Variants in DQX1 observed in about 807,000 individuals in gnomAD.
DQX1 encodes the protein DEAQ-box RNA dependent ATPase 1, also known as ATP-dependent RNA helicase homolog DQX1.
In DQX1, 66 loss-of-function variants were observed where a neutral mutation model predicts 81.3. That is an observed-to-expected ratio of 0.81 (90% CI 0.67 to 1.00). The LOEUF is 1.00. Among genes scored for constraint, DQX1 ranks in the 50% least tolerant of loss-of-function variants. DQX1 has a pLI of 0.00. For missense variants in DQX1, 798 were observed against 867.9 expected, an observed-to-expected ratio of 0.92 and a Z score of 1.01; for synonymous variants, 290 against 350.0, an observed-to-expected ratio of 0.83 and a Z score of 1.91.
chr2:74,523,667 G>T (rs1675098961), intron 4 of DQX1, 130 bp from the exon 5 acceptor site: 3 of 1,015,640 alleles, frequency 3.0e-6, no homozygotes, highest in Non-Finnish European at 4.2e-6. Context: ...AAAGTTGAAG[G>T]TTTTATAATT....
At position 74,519,732 on chromosome 2, in the gene DQX1, C is replaced by G. The variant is rs772100580; in HGVS notation, c.1630G>C (p.Ala544Pro). 1.9e-6 allele frequency: 3 copies of G among 1,614,196 alleles called. No homozygotes were observed. The highest frequency in any genetic ancestry group is 1.7e-6 in the Non-Finnish European group (2 of 1,180,040). ...EAFIQSGADE[A>P]WCQARGLNWA... ...TTCAGACCTCGAGCCTGGCACCAAG[C>G]CTCATCTGCTCCACCTAGGAGAGGA... Residue 544 changes from alanine to proline, a missense_variant, in exon 10 of 12, where the codon GCT becomes CCT. Transcript: ENST00000404568.
rs1393945518 is a variant in DQX1 at position 74,519,223 on chromosome 2, C to T, written c.1814G>A (p.Arg605Lys). 1 of 1,557,104 alleles carries T rather than the reference C, an allele frequency of 6.4e-7. No individual in the cohort carries two copies. The highest frequency in any genetic ancestry group is 1.4e-5 in the African/African-American group (1 of 72,486). The part of the protein sequence containing the change: ...LVSGYFLKVA[R>K]DTDGTGNYLL... Reference sequence around the variant, plus strand: ...GTAATTTCCAGTCCCGTCTGTGTCTCTGGCCACCTTATTGAAAGGCAGAAA... The same window carrying T: ...GTAATTTCCAGTCCCGTCTGTGTCTTTGGCCACCTTATTGAAAGGCAGAAA... Residue 605 changes from arginine to lysine, a missense_variant, in exon 11 of 12, where the codon AGA becomes AAA. By Grantham distance (26) the Arg-to-Lys change is conservative. Transcript: ENST00000404568.
At chr2:74,523,658 A>T in intron 4 of DQX1, 121 bp from the exon 5 acceptor site, 1 of 1,037,636 alleles carries the variant, frequency 9.6e-7, no homozygotes, top group Non-Finnish European at 1.4e-6. Flanking sequence ...ATTACTCATA[A>T]AGTTGAAGGT....
chr2:74,523,301 C>G lies in DQX1; in HGVS notation c.1044+9G>C, dbSNP rs1405754073. The G allele has an allele frequency of 1.2e-6, 2 of 1,614,070 alleles. No individual in the cohort carries two copies. The highest frequency in any genetic ancestry group is 2.7e-5 in the African/African-American group (2 of 74,906). ...TACTACCCCACCGCTATCTCTCTCT[C>G]TCACTCACACTTCGGAGCTCCAGTC... On this transcript the variant is annotated intron_variant, in intron 5 of 11. Transcript: ENST00000404568.
rs750871374 is a variant in DQX1, at chr2:74,524,289, C to T, written c.450G>A (p.Leu150=). Residue 150 remains leucine, a synonymous_variant, in exon 4 of 12, where the codon CTG becomes CTA. Coordinates refer to ENST00000404568, the MANE Select transcript of DQX1 (RefSeq NM_133637.3). Reference sequence around the variant, plus strand: ...GGGTCGAGGCCACCTCCTGCAGAAGCAGCCTGTCCCAGCAGAACCTGTTGA... The same window carrying T: ...GGGTCGAGGCCACCTCCTGCAGAAGTAGCCTGTCCCAGCAGAACCTGTTGA... ...NTLLRFCWDR[L]LLQEVASTRG... The T allele has an allele frequency of 6.2e-7, 1 of 1,611,960 alleles. No homozygotes were observed. Among genetic ancestry groups the T allele is most frequent in the South Asian group, 1.1e-5 (1 of 91,082 alleles).
At chr2:74,520,839 A>C (rs1675004205) in intron 8 of DQX1, among the ~76,000 whole-genome samples, 1 of 151,872 alleles carries the variant, frequency 6.6e-6, no homozygotes, top group South Asian at 2.1e-4. Context: ...ACACCTGGCT[A>C]ATTTTTTGTT....
rs746359865 is a variant in DQX1 at position 74,522,592 on chromosome 2, C to T, written c.1483G>A (p.Ala495Thr). The T allele has an allele frequency of 1.2e-6, 2 of 1,613,280 alleles. No homozygotes were observed. The highest frequency in any genetic ancestry group is 1.7e-6 in the Non-Finnish European group (2 of 1,179,598). The part of the protein sequence containing the change: ...DCVDEMLTLA[A>T]MLTAAPGFTR... ...CAGCGATTTATACCTGTGAGCATGG[C>T]AGCCAGGGTGAGCATCTCGTCCACA... The change falls in exon 8 of 12, where the codon GCC becomes ACC. Residue 495 changes from alanine (A) to threonine (T), a missense_variant. By Grantham distance (58) the Ala-to-Thr change is moderately conservative. Transcript: ENST00000404568.
Position 74,518,537 on chromosome 2 carries a change from A to G in DQX1, c.2063T>C (p.Leu688Pro). The G allele has an allele frequency of 6.2e-7, 1 of 1,614,238 alleles. No homozygotes were observed. The stretch of plus-strand genomic sequence containing the variant: ...TGCCATTCCTTCCCTTAGCTGGTTC[A>G]GAAGGTCTCTGCTCTCACTGGGAGG... ...NLPPSESRDL[L>P]NQLREGMADS... is the part of the protein sequence containing the mutation. The change falls in exon 12 of 12, where the codon CTG (leucine) becomes CCG (proline). Residue 688 changes from leucine (L) to proline (P), a missense_variant. By Grantham distance (98) the Leu-to-Pro change is moderately conservative. Coordinates refer to ENST00000404568, the MANE Select transcript of DQX1 (RefSeq NM_133637.3).
rs757865100 is a variant in DQX1 at position 74,525,579 on chromosome 2, G to A, written c.151C>T (p.Arg51Cys). The A allele has an allele frequency of 5.9e-5, 91 of 1,551,934 alleles. No individual in the cohort carries two copies. The highest frequency in any genetic ancestry group is 7.4e-5 in the Non-Finnish European group (85 of 1,147,082). ...QRQALPIWAARFTFLEQLESN... is the reference protein window; with the variant it reads ...QRQALPIWAACFTFLEQLESN... ...TCCAACTGCTCCAAGAAGGTAAAGC[G>A]AGCAGCCCAGATGGGCAAGGCTTGG... Residue 51 changes from arginine (R) to cysteine (C), a missense_variant, in exon 2 of 12, where the codon CGC becomes TGC. Physicochemically the swap from Arg to Cys is radical, Grantham distance 180. Transcript: ENST00000404568. The surrounding 1 kb of genome is among the most constrained non-coding windows in gnomAD (Gnocchi z 4.1).
intron 11 of DQX1, 76 bp from the exon 12 acceptor site, chr2:74,518,678 G>C (rs1010551162): frequency 1.6e-5 from 23 of 1,446,462 alleles, no homozygotes; most frequent in Non-Finnish European, 2.2e-5. Context: ...ACAGGGTCTC[G>C]CTCTGTTACC....
Position 74,522,975 on chromosome 2 carries a change from A to C in DQX1, c.1184T>G (p.Leu395Arg). 1 of 1,614,184 alleles carries C rather than the reference A, an allele frequency of 6.2e-7. No homozygotes were observed. The highest frequency in any genetic ancestry group is 8.5e-7 in the Non-Finnish European group (1 of 1,180,032). ...LCLYPKSFLE[L>R]EAPPLPQPRV... is the part of the protein sequence containing the mutation. The stretch of plus-strand genomic sequence containing the variant: ...GGGTTGTGGCAATGGTGGAGCTTCT[A>C]GTTCTAAGAAGGACTTAGGATACAG... The change falls in exon 7 of 12, where the codon CTA becomes CGA. Residue 395 changes from leucine to arginine, a missense_variant. Leu to Arg is a moderately radical substitution (Grantham distance 102, BLOSUM62 -2). Coordinates refer to ENST00000404568, the MANE Select transcript of DQX1 (RefSeq NM_133637.3).
chr2:74,519,485 T>G lies in DQX1; in HGVS notation c.1806+71A>C. 1.9e-6 allele frequency: 3 copies of G among 1,552,128 alleles called. 1 individual carries two copies. The South Asian group carries it at 3.6e-5, about 19-fold the overall frequency. On this transcript the variant is annotated intron_variant, in intron 10 of 11. Coordinates refer to ENST00000404568, the MANE Select transcript of DQX1 (RefSeq NM_133637.3). ...GGCCACCTGGACCCTGATTTCAAAG[T>G]GGCTTACCAATATTTGTTCTCTTTG...
chr2:74,522,927 C>A lies in DQX1; in HGVS notation c.1232G>T (p.Ser411Ile). ...PQPRVCEENL[S>I]SLVLLLKRRQ... ...CCTTTTTAGTAGTAACACCAGGGAG[C>A]TCAGATTCTCCTCACACACCCTGGG... Residue 411 changes from serine (S) to isoleucine (I), a missense_variant, in exon 7 of 12, where the codon AGC becomes ATC. Transcript: ENST00000404568. 1 of 1,614,140 alleles carries A rather than the reference C, an allele frequency of 6.2e-7. No individual in the cohort carries two copies.
rs770462520 is a variant in DQX1 at position 74,519,167 on chromosome 2, G to T, written c.1870C>A (p.Leu624Ile). The T allele has an allele frequency of 6.2e-6, 10 of 1,612,496 alleles. No homozygotes were observed. Among genetic ancestry groups the T allele is most frequent in the Non-Finnish European group, 7.6e-6 (9 of 1,179,184 alleles). ...CTTCGGTAGCAGCAGTATGAGGAGA[G>T]CTGGGCCACATGCTTATGGGTTAGG... ...LLLTHKHVAQ[L>I]SSYCCYRSRR... The change falls in exon 11 of 12, where the codon CTC becomes ATC. Residue 624 changes from leucine to isoleucine, a missense_variant. By Grantham distance (5) the Leu-to-Ile change is conservative. Transcript: ENST00000404568.
chr2:74,524,105 G>A lies in DQX1; in HGVS notation c.634C>T (p.Leu212Phe), dbSNP rs777220718. Residue 212 changes from leucine to phenylalanine, a missense_variant, in exon 4 of 12, where the codon CTC (leucine) becomes TTC (phenylalanine). Leu to Phe is a conservative substitution (Grantham distance 22, BLOSUM62 0). Coordinates refer to ENST00000404568, the MANE Select transcript of DQX1 (RefSeq NM_133637.3). ...GGAGGATTGCCCCAGAAAGCTCGGA[G>A]CTTAGGTTCAAGGGCTGGGTCAGTA... Reference protein sequence around the residue: ...VVTDPALEPKLRAFWGNPPIV... With the variant: ...VVTDPALEPKFRAFWGNPPIV... 17 of 1,614,188 alleles carry A rather than the reference G, an allele frequency of 1.1e-5. No homozygotes were observed. The Middle Eastern group carries it at 8.2e-4, about 78-fold the overall frequency.
At chr2:74,519,430 T>A (rs1674969253) in intron 10 of DQX1, 126 bp downstream of exon 10, 1 of 1,398,662 alleles carries the variant, frequency 7.1e-7, no homozygotes, top group African/African-American at 1.4e-5. Flanking sequence ...AAGGGAAAAG[T>A]CCTTTCTGGT....
In DQX1 at chr2:74,523,399, T is replaced by A; in HGVS notation, c.955A>T (p.Lys319Ter). Residue 319 changes from lysine to a stop codon, truncating the protein, a stop_gained, in exon 5 of 12, where the codon AAG becomes TAG. Transcript: ENST00000404568. LOFTEE classifies it high-confidence loss of function. Reference sequence around the variant, plus strand: ...GCCAGCCAGTGAGTGACCACAACCTTTCGGGCATCCATGTCCTCATACACA... The same window carrying A: ...GCCAGCCAGTGAGTGACCACAACCTATCGGGCATCCATGTCCTCATACACA... ...QAVYEDMDAR[K>*]VVVTHWLADF... The A allele has an allele frequency of 6.2e-7, 1 of 1,614,098 alleles. No individual in the cohort carries two copies. The highest frequency in any genetic ancestry group is 8.5e-7 in the Non-Finnish European group (1 of 1,180,018).
At chr2:74,520,780 C>G (rs1436583481) in intron 8 of DQX1, among the ~76,000 whole-genome samples, 3 of 151,908 alleles carry the variant, frequency 2.0e-5, no homozygotes, top group Non-Finnish European at 4.4e-5. Context: ...CTTAAATGAT[C>G]CTCCTACCTC....
chr2:74,522,758 C>A lies in DQX1; in HGVS notation c.1317G>T (p.Leu439=). 1 of 1,614,104 alleles carries A rather than the reference C, an allele frequency of 6.2e-7. No homozygotes were observed. Among genetic ancestry groups the A allele is most frequent in the East Asian group, 2.2e-5 (1 of 44,894 alleles). Residue 439 remains leucine, a synonymous_variant, in exon 8 of 12, where the codon CTG becomes CTT. Coordinates refer to ENST00000404568, the MANE Select transcript of DQX1 (RefSeq NM_133637.3). ...AGTCTAAATCTTCCAGGGCTTGCAT[C>A]AGTGCTTCTGGAGCTGGTGAGGAAA... ...HFLDQPAPEA[L]MQALEDLDYL... is the part of the protein sequence containing the mutation.
Sources: allele counts gnomAD v4.1 joint callset (sites outside exome capture counted in the v4.1 genomes callset), GRCh38; gene constraint gnomAD v4.1.1; non-coding constraint Gnocchi (gnomAD v3.1); transcripts MANE v1.5; gene names NCBI Gene and HGNC (gene_info 2026-07-23, HGNC 2026-07-21).